CNTN3: variants seen among roughly 807,000 people sequenced by gnomAD.
CNTN3 encodes the protein contactin 3, also known as contactin-3.
A neutral mutation model predicts 119.1 loss-of-function variants in CNTN3; 60 were observed. The ratio of observed to expected loss-of-function variants is 0.50; its 90% CI spans 0.41 to 0.62. The LOEUF is 0.62. Among genes scored for constraint, CNTN3 ranks in the 20% least tolerant of loss-of-function variants. The pLI, the probability that CNTN3 is intolerant of heterozygous loss-of-function variation, is 0.00. For missense variants in CNTN3, 1,101 were observed against 1,242.4 expected (o/e 0.89, Z 1.71); for synonymous variants, 450 against 438.7 (o/e 1.03, Z -0.32).
intron 17 of CNTN3, among the ~76,000 whole-genome samples, chr3:74,299,116 G>A (rs1278378243): frequency 2.0e-5 from 3 of 151,998 alleles, no homozygotes; most frequent in Non-Finnish European, 4.4e-5. Context: ...GTTGAGGTGG[G>A]AGAATCACTT....
intron 8 of CNTN3, among the ~76,000 whole-genome samples, chr3:74,366,796 A>G (rs1054455380): frequency 1.5e-5 from 2 of 131,744 alleles, no homozygotes; most frequent in African/African-American, 5.8e-5. Context: ...ATATATATAT[A>G]TATATATATA....
rs144743773 is a variant in CNTN3, at chr3:74,522,837, T to C, written c.-80-1645A>G. 7.0e-3 allele frequency among the ~76,000 whole-genome samples: 1,057 copies of C among 151,798 alleles called. 4 individuals carry two copies. The highest frequency in any genetic ancestry group is 0.011 in the Non-Finnish European group (771 of 67,840). ...TAGCTATTAAAAGTGGTGTGTGCACTGGAGTGATGAAGGCAAGAGGATGAG... is the reference window on the plus strand; with the variant it reads ...TAGCTATTAAAAGTGGTGTGTGCACCGGAGTGATGAAGGCAAGAGGATGAG... On this transcript the variant is annotated intron_variant, in intron 1 of 22. Coordinates refer to ENST00000263665, the MANE Select transcript of CNTN3 (RefSeq NM_020872.3).
At chr3:74,391,484 AC>A (rs1315507898) in intron 5 of CNTN3, among the ~76,000 whole-genome samples, 3 of 151,908 alleles carry the variant, frequency 2.0e-5, no homozygotes, top group Non-Finnish European at 1.5e-5. Context: ...TATGTAAAGT[AC>A]ATCTCTGTGG....
intron 1 of CNTN3, among the ~76,000 whole-genome samples, chr3:74,523,245 G>A (rs1375164719): frequency 6.6e-6 from 1 of 151,772 alleles, no homozygotes. Flanking sequence ...TGAGGAAACC[G>A]TGGTCCAAAA....
chr3:74,424,489 A>C (rs941059049), intron 5 of CNTN3, among the ~76,000 whole-genome samples: 2 of 151,534 alleles, frequency 1.3e-5, no homozygotes, highest in African/African-American at 4.8e-5. Context: ...AGAGAGAGAG[A>C]GAGAGAGAAA....
chr3:74,498,172 A>G lies in CNTN3; in HGVS notation c.182+1487T>C, dbSNP rs190698161. 2.0e-4 allele frequency among the ~76,000 whole-genome samples: 30 copies of G among 151,932 alleles called. No individual in the cohort carries two copies. In the East Asian group the frequency reaches 5.8e-3, roughly 29 times the overall value. On this transcript the variant is annotated intron_variant, in intron 3 of 22. Coordinates refer to ENST00000263665, the MANE Select transcript of CNTN3 (RefSeq NM_020872.3). ...GTCATTCACATGGCTGCTTTATCAT[A>G]TTTACAGCTATGTCTATGAGAATAA... is the stretch of plus-strand genomic sequence containing the variant.
At chr3:74,380,694 G>A (rs915855637) in intron 5 of CNTN3, among the ~76,000 whole-genome samples, 9 of 152,102 alleles carry the variant, frequency 5.9e-5, no homozygotes, top group African/African-American at 2.2e-4. Flanking sequence ...CTCCAGAGAG[G>A]GGCTTCATCA....
intron 13 of CNTN3, among the ~76,000 whole-genome samples, chr3:74,326,717 G>C (rs572070869): frequency 7.2e-5 from 11 of 152,056 alleles, no homozygotes; most frequent in African/African-American, 2.7e-4. Context: ...TTTTAGAGTT[G>C]ATACTATTGG....
chr3:74,488,570 C>CA (rs1702902852), intron 3 of CNTN3, among the ~76,000 whole-genome samples: 1 of 152,206 alleles, frequency 6.6e-6, no homozygotes. Context: ...TGAAATAATG[C>CA]ATAATGAAGT....
chr3:74,464,033 G>A (rs1702417963), intron 4 of CNTN3, among the ~76,000 whole-genome samples: 1 of 152,088 alleles, frequency 6.6e-6, no homozygotes, highest in African/African-American at 2.4e-5. Context: ...GGCCTTAAAT[G>A]CTCTCCATAG....
intron 3 of CNTN3, among the ~76,000 whole-genome samples, chr3:74,488,949 T>C (rs904210566): frequency 3.8e-4 from 58 of 152,344 alleles, no homozygotes; most frequent in African/African-American, 1.3e-3. Flanking sequence ...TGAACATTTG[T>C]GTCACTATGT....
intron 20 of CNTN3, among the ~76,000 whole-genome samples, chr3:74,282,829 T>C (rs1385388321): frequency 2.6e-5 from 4 of 152,150 alleles, no homozygotes; most frequent in African/African-American, 9.7e-5. Context: ...TAACATAAAA[T>C]TTAAAAATTA....
intron 4 of CNTN3, among the ~76,000 whole-genome samples, chr3:74,429,529 A>T (rs1268262577): frequency 6.6e-6 from 1 of 152,158 alleles, no homozygotes; most frequent in Non-Finnish European, 1.5e-5. Context: ...AAACTATAGA[A>T]CTTTTATTTA....
At position 74,416,880 on chromosome 3, in the gene CNTN3, C is replaced by T. The variant is rs142650243; in HGVS notation, c.454+7965G>A. 2.7e-3 allele frequency among the ~76,000 whole-genome samples: 412 copies of T among 151,566 alleles called. 5 individuals carry two copies. Among genetic ancestry groups the T allele is most frequent in the East Asian group, 0.022 (115 of 5,128 alleles). On this transcript the variant is annotated intron_variant, in intron 5 of 22. Coordinates refer to ENST00000263665, the MANE Select transcript of CNTN3 (RefSeq NM_020872.3). ...GCGTGTGGCTATAGTCCCAGCTACT[C>T]GGGAGGTTGAGGCATGAGAATTGCT...
chr3:74,343,307 T>C (rs537048270), intron 11 of CNTN3, among the ~76,000 whole-genome samples: 7 of 152,274 alleles, frequency 4.6e-5, no homozygotes, highest in African/African-American at 1.7e-4. Flanking sequence ...CCACTCTCTA[T>C]GTGCAGCAAA....
chr3:74,495,813 G>T (rs1425637382), intron 3 of CNTN3, among the ~76,000 whole-genome samples: 1 of 151,954 alleles, frequency 6.6e-6, no homozygotes, highest in Non-Finnish European at 1.5e-5. Flanking sequence ...ATGATATTTA[G>T]CCCTTACAAC....
rs1367607650 is a variant in CNTN3, at chr3:74,295,745, A to C, written c.2402-509T>G. On this transcript the variant is annotated intron_variant, in intron 18 of 22. Transcript: ENST00000263665. ...ATGCTCTTTTGAAGGAGTAGATAGAAATGCAGGTGGCTTATCATATAGCAA... is the reference window on the plus strand; with the variant it reads ...ATGCTCTTTTGAAGGAGTAGATAGACATGCAGGTGGCTTATCATATAGCAA... Among the ~76,000 whole-genome samples, 3 of 152,162 alleles carry C rather than the reference A, an allele frequency of 2.0e-5. No homozygotes were observed. In the South Asian group the frequency reaches 6.2e-4, roughly 31 times the overall value.
chr3:74,467,629 G>A (rs998755653), intron 4 of CNTN3, among the ~76,000 whole-genome samples: 4 of 151,962 alleles, frequency 2.6e-5, no homozygotes, highest in South Asian at 2.1e-4. Flanking sequence ...ACATAATAGC[G>A]CTTTATCTGA....
At chr3:74,586,909 T>C (rs1704602369) in intron 1 of CNTN3, among the ~76,000 whole-genome samples, 1 of 151,986 alleles carries the variant, frequency 6.6e-6, no homozygotes, top group Non-Finnish European at 1.5e-5. Flanking sequence ...CACCGAGGTA[T>C]CTGTAGTGTT....
Sources: gnomAD v4.1 joint callset for allele counts (sites outside exome capture counted in the v4.1 genomes callset) on GRCh38, gnomAD v4.1.1 for gene constraint, MANE v1.5 for transcripts, NCBI Gene and HGNC (gene_info 2026-07-23, HGNC 2026-07-21) for gene names.